The following NSD2 variants were observed in gnomAD, a reference collection of about 807,000 sequenced individuals.
The protein encoded by NSD2 is nuclear receptor binding SET domain protein 2.
Under a neutral mutation model 139.0 loss-of-function variants are expected in NSD2, and 12 were observed. That is an observed-to-expected ratio of 0.09 (90% CI 0.06 to 0.14). NSD2 has a LOEUF of 0.14. Among genes scored for constraint, NSD2 ranks in the 10% least tolerant of loss-of-function variants. The pLI, the probability that NSD2 is intolerant of heterozygous loss-of-function variation, is 1.00. For missense variants in NSD2, 1,155 were observed against 1,745.0 expected (o/e 0.66, Z 6.02); for synonymous variants, 669 against 648.7 (o/e 1.03, Z -0.48).
intron 9 of NSD2, chr4:1,941,669 A>C (rs1577502729): frequency 9.6e-7 from 1 of 1,044,038 alleles, no homozygotes; most frequent in East Asian, 5.6e-5. Flanking sequence ...TAGATCCCAT[A>C]GTGTGCATCA....
Position 1,916,148 on chromosome 4 carries a change from GAT to G in NSD2, c.761-721_761-720del, listed in dbSNP as rs149163689. 1.7e-3 allele frequency among the ~76,000 whole-genome samples: 253 copies of G among 152,154 alleles called. 6 individuals carry two copies. In the East Asian group the frequency reaches 0.038, roughly 23 times the overall value. On this transcript the variant is annotated intron_variant, in intron 3 of 21. Transcript: ENST00000508803. ...TGCTCCTGTCACTCTAGCACTGTGAGATAGGGGGGTAGCTAGCTGGTAGGTAG... is the reference window on the plus strand; with the variant it reads ...TGCTCCTGTCACTCTAGCACTGTGAGAGGGGGGTAGCTAGCTGGTAGGTAG...
chr4:1,960,376 C>T (rs1328750936), intron 17 of NSD2, among the ~76,000 whole-genome samples: 3 of 152,170 alleles, frequency 2.0e-5, no homozygotes, highest in East Asian at 1.9e-4. Flanking sequence ...GGAGATTGCT[C>T]TTGTGAGGGG....
At chr4:1,968,384 AC>A (rs1726100401) in intron 18 of NSD2, among the ~76,000 whole-genome samples, 1 of 152,232 alleles carries the variant, frequency 6.6e-6, no homozygotes. Flanking sequence ...CACAGGGAGC[AC>A]CGGGAGCGTG....
rs1434655476 is a variant in NSD2 at position 1,972,176 on chromosome 4, C to T, written c.3373-2687C>T. On this transcript the variant is annotated intron_variant, in intron 18 of 21. Transcript: ENST00000508803. This position sits in a 1 kb window ranked among gnomAD's most constrained non-coding sequence, Gnocchi z 4.0. ...TCCACAGGTTTTCCCCTGCCCTCCT[C>T]ATGTATGCAGAGCCACAAAGAGCAT... 1.3e-5 allele frequency among the ~76,000 whole-genome samples: 2 copies of T among 152,178 alleles called. No individual in the cohort carries two copies. Among genetic ancestry groups the T allele is most frequent in the Non-Finnish European group, 1.5e-5 (1 of 68,044 alleles).
At position 1,948,343 on chromosome 4, in the gene NSD2, T is replaced by C. The variant is rs1253930026; in HGVS notation, c.1882-2729T>C. The C allele has an allele frequency of 4.7e-6, 5 of 1,065,882 alleles. No individual in the cohort carries two copies. The highest frequency in any genetic ancestry group is 3.3e-5 in the African/African-American group (2 of 61,018). 66.0% of individuals were successfully genotyped at this position (1,065,882 alleles called of 1,614,324 possible). On this transcript the variant is annotated intron_variant, in intron 9 of 21. Coordinates refer to ENST00000508803, the MANE Select transcript of NSD2 (RefSeq NM_001042424.3). This position sits in a 1 kb window ranked among gnomAD's most constrained non-coding sequence, Gnocchi z 4.5. ...GATGTTGTAGACTGAGATTTGGGAC[T>C]ATGTTGGGACCGTACAGGTGAATGT...
Position 1,978,872 on chromosome 4 carries a change from G to C in NSD2, c.4061G>C (p.Arg1354Pro). 1 of 1,591,238 alleles carries C rather than the reference G, an allele frequency of 6.3e-7. No individual in the cohort carries two copies. The highest frequency in any genetic ancestry group is 8.6e-7 in the Non-Finnish European group (1 of 1,166,122). The part of the protein sequence containing the change: ...EPGKPKGKRR[R>P]RRGWRRVTEG... ...GGGAAGCCGAAGGGGAAGAGGCGGC[G>C]GCGGAGGGGCTGGCGGAGAGTCACA... The change falls in exon 22 of 22, where the codon CGG (arginine) becomes CCG (proline). Residue 1354 changes from arginine to proline, a missense_variant. Arg to Pro is a moderately radical substitution (Grantham distance 103). This residue lies in a region of NSD2 where 132 missense variants were observed against 94.3 expected (regional missense o/e 1.40). Coordinates refer to ENST00000508803, the MANE Select transcript of NSD2 (RefSeq NM_001042424.3).
intron 5 of NSD2, chr4:1,919,161 G>A (rs906802680): frequency 1.5e-5 from 2 of 137,764 alleles, no homozygotes; most frequent in Admixed American, 1.5e-4. Context: ...GAGCGAGACT[G>A]TGTCTCAAAA....
At chr4:1,923,438 G>A (rs1720433356) in intron 5 of NSD2, among the ~76,000 whole-genome samples, 1 of 152,156 alleles carries the variant, frequency 6.6e-6, no homozygotes, top group African/African-American at 2.4e-5. Context: ...TGGAGAGCCA[G>A]TAAGTGCATG....
Position 1,977,790 on chromosome 4 carries a change from C to CAAAA in NSD2, c.3827-837_3827-834dup, listed in dbSNP as rs111398358. ...CTGGGCGACAGAGCAAGACTCCACT[C>CAAAA]AAAAAAAAAAAAAACCAAACAAACA... is the stretch of plus-strand genomic sequence containing the variant. On this transcript the variant is annotated intron_variant, in intron 21 of 21. Coordinates refer to ENST00000508803, the MANE Select transcript of NSD2 (RefSeq NM_001042424.3). Among the ~76,000 whole-genome samples the CAAAA allele has an allele frequency of 2.7e-4, 26 of 96,098 alleles. 1 individual carries two copies. Among genetic ancestry groups the CAAAA allele is most frequent in the African/African-American group, 8.1e-4 (23 of 28,476 alleles). The allele number at this position is 96,098 out of a possible 152,430, so 63.0% of individuals were successfully genotyped here.
At chr4:1,927,582 G>A (rs1430297286) in intron 5 of NSD2, among the ~76,000 whole-genome samples, 1 of 151,768 alleles carries the variant, frequency 6.6e-6, no homozygotes, top group Non-Finnish European at 1.5e-5. Context: ...AGCCAGGTGT[G>A]GTGGTGCATG....
chr4:1,892,135 T>A (rs1336380536), intron 1 of NSD2: 9 of 152,092 alleles, frequency 5.9e-5, no homozygotes, highest in Admixed American at 5.9e-4. Flanking sequence ...GGTTCTTTAT[T>A]TTTATTTCTT....
In NSD2 at chr4:1,980,370, T is replaced by TGGGA. The variant is rs1212251780; in HGVS notation, c.*1471_*1474dup. The TGGGA allele has an allele frequency of 2.6e-5, 6 of 233,136 alleles. No individual in the cohort carries two copies. The highest frequency in any genetic ancestry group is 6.6e-5 in the African/African-American group (3 of 45,326). 14.4% of individuals were successfully genotyped at this position (233,136 alleles called of 1,614,324 possible). ...CACGTGTCCTGAGGGGCTGCTTGTC[T>TGGGA]GGGAGGGAGGGAGAGAACATTCAGC... On this transcript the variant is annotated 3_prime_UTR_variant, in exon 22 of 22. Transcript: ENST00000508803.
chr4:1,945,839 G>C (rs1723573956), intron 9 of NSD2: 1 of 1,062,922 alleles, frequency 9.4e-7, no homozygotes, highest in Non-Finnish European at 1.1e-6. Context: ...CTGTCTGATA[G>C]CGGTAGATGA....
At chr4:1,891,041 A>G (rs1289163578) in intron 1 of NSD2, among the ~76,000 whole-genome samples, 2 of 152,126 alleles carry the variant, frequency 1.3e-5, no homozygotes, top group Non-Finnish European at 2.9e-5. Flanking sequence ...CCACAGGCAC[A>G]TGCCACCACG....
intron 6 of NSD2, among the ~76,000 whole-genome samples, chr4:1,931,211 GTCTGCACCTT>G (rs1721595571): frequency 6.6e-6 from 1 of 152,192 alleles, no homozygotes; most frequent in African/African-American, 2.4e-5. Context: ...TTCGGCTGTA[GTCTGCACCTT>G]ACAGGGGTCC....
chr4:1,893,132 T>C (rs1050366792), intron 1 of NSD2, among the ~76,000 whole-genome samples: 11 of 152,186 alleles, frequency 7.2e-5, no homozygotes, highest in African/African-American at 2.7e-4. Context: ...TTCTTTGTCC[T>C]TGTGATTTTA....
chr4:1,896,271 C>T (rs1405795792), intron 1 of NSD2, among the ~76,000 whole-genome samples: 3 of 152,264 alleles, frequency 2.0e-5, no homozygotes, highest in Admixed American at 1.3e-4. Context: ...CTGCCAAGCC[C>T]CAGCACCTAA....
rs1723819767 is a variant in NSD2 at position 1,948,053 on chromosome 4, C to G, written c.1882-3019C>G. 13 of 1,057,140 alleles carry G rather than the reference C, an allele frequency of 1.2e-5. No individual in the cohort carries two copies. Among genetic ancestry groups the G allele is most frequent in the Non-Finnish European group, 1.5e-5 (13 of 873,920 alleles). 65.5% of individuals were successfully genotyped at this position (1,057,140 alleles called of 1,614,324 possible). A position where few individuals can be genotyped will look rare whatever the true frequency, so the allele number is the denominator to read the frequency against. ...AAGTCCCTGTAATAGATCAAGGAGA[C>G]TGCATTCCCTGCCCTGAAGGAATGT... On this transcript the variant is annotated intron_variant, in intron 9 of 21. Transcript: ENST00000508803. The surrounding 1 kb of genome is among the most constrained non-coding windows in gnomAD (Gnocchi z 4.5).
At chr4:1,918,995 CG>C (rs1340906641) in intron 5 of NSD2, 1 of 186,704 alleles carries the variant, frequency 5.4e-6, no homozygotes, top group Non-Finnish European at 1.1e-5. Flanking sequence ...AAAAATTAGC[CG>C]GGTGTGGTGG....
Sources: gnomAD v4.1 joint callset for allele counts (sites outside exome capture counted in the v4.1 genomes callset) on GRCh38, gnomAD v4.1.1 for gene constraint, gnomAD v4.1.1 regional missense constraint, Gnocchi (gnomAD v3.1) non-coding constraint, MANE v1.5 for transcripts, NCBI Gene and HGNC (gene_info 2026-07-23, HGNC 2026-07-21) for gene names.